The following ESAM variants were observed in gnomAD, a reference collection of about 807,000 sequenced individuals.
The protein encoded by ESAM is endothelial cell-selective adhesion molecule.
ESAM carries 23 observed loss-of-function variants against 31.8 expected under a neutral mutation model. The observed-to-expected ratio is 0.72, with a 90% CI of 0.52 to 1.03. The LOEUF is 1.03. Ranked by LOEUF, ESAM falls within the 50% of genes least tolerant of loss-of-function variation. The probability of loss-of-function intolerance (pLI) is 0.00; values close to 1 mark genes in which losing one functional copy is unlikely to be tolerated. For missense variants in ESAM, 478 were observed against 488.9 expected, an observed-to-expected ratio of 0.98 and a Z score of 0.21; for synonymous variants, 216 against 207.2, an observed-to-expected ratio of 1.04 and a Z score of -0.37.
intron 1 of ESAM, among the ~76,000 whole-genome samples, chr11:124,760,747 G>T (rs568879560): frequency 1.3e-5 from 2 of 152,378 alleles, no homozygotes; most frequent in East Asian, 3.9e-4. Flanking sequence ...AGCAGGTGAA[G>T]CCTGGGACAC....
At chr11:124,758,783 A>G (rs1401702645) in intron 1 of ESAM, among the ~76,000 whole-genome samples, 1 of 152,104 alleles carries the variant, frequency 6.6e-6, no homozygotes, top group Non-Finnish European at 1.5e-5. Flanking sequence ...ATTTATATGC[A>G]TTTATTCGTA....
chr11:124,760,819 A>C, intron 1 of ESAM, among the ~76,000 whole-genome samples: 1 of 152,078 alleles, frequency 6.6e-6, no homozygotes, highest in East Asian at 1.9e-4. Flanking sequence ...CCCACCCCCC[A>C]CAAGGAAGGG....
chr11:124,756,412 C>T lies in ESAM; in HGVS notation c.452-50G>A, dbSNP rs1205510339. ...ACCACACCCAGGAGACCCACAGATC[C>T]TCTCCCTCTGCCCTGCACCCTTCTG... On this transcript the variant is annotated intron_variant, in intron 3 of 6. Coordinates refer to ENST00000278927, the MANE Select transcript of ESAM (RefSeq NM_138961.3). 2.5e-6 allele frequency: 4 copies of T among 1,576,550 alleles called. No homozygotes were observed. The South Asian group carries it at 3.6e-5, about 14-fold the overall frequency.
In ESAM at chr11:124,754,806, C is replaced by CAT; in HGVS notation, c.608-45_608-44dup. ...CCATCAGTCCAGGGACCCTCTTTCCCATTAAAAAAAAAAAAAAATCTTGTC... is the reference window on the plus strand; with the variant it reads ...CCATCAGTCCAGGGACCCTCTTTCCCATATTAAAAAAAAAAAAAAATCTTGTC... On this transcript the variant is annotated intron_variant, in intron 4 of 6. Coordinates refer to ENST00000278927, the MANE Select transcript of ESAM (RefSeq NM_138961.3). This position sits in a 1 kb window ranked among gnomAD's most constrained non-coding sequence, Gnocchi z 4.5. 1 of 1,537,728 alleles carries CAT rather than the reference C, an allele frequency of 6.5e-7. No homozygotes were observed. The highest frequency in any genetic ancestry group is 8.7e-7 in the Non-Finnish European group (1 of 1,146,738).
chr11:124,758,621 G>C, intron 1 of ESAM, 94 bp from the exon 2 acceptor site: 1 of 1,393,186 alleles, frequency 7.2e-7, no homozygotes, highest in Non-Finnish European at 9.4e-7. Flanking sequence ...AGCGAGGAAA[G>C]TCGCTTTAAC....
chr11:124,756,927 C>T, intron 2 of ESAM, 185 bp from the exon 3 acceptor site: 1 of 620,298 alleles, frequency 1.6e-6, no homozygotes, highest in South Asian at 1.9e-5. Context: ...CCTGGGTCCT[C>T]TTCACCAGAA....
Position 124,753,738 on chromosome 11 carries a change from T to A in ESAM, c.1081A>T (p.Ile361Phe). 1 of 1,613,836 alleles carries A rather than the reference T, an allele frequency of 6.2e-7. No homozygotes were observed. Among genetic ancestry groups the A allele is most frequent in the African/African-American group, 1.3e-5 (1 of 74,972 alleles). ...CCAGAGGAAGAAACCCCACCAGGGATGGGGGATATTGGTTGAGGGTGGGCC... is the reference window on the plus strand; with the variant it reads ...CCAGAGGAAGAAACCCCACCAGGGAAGGGGGATATTGGTTGAGGGTGGGCC... ...DGAHPQPISP[I>F]PGGVSSSGLS... Residue 361 changes from isoleucine to phenylalanine, a missense_variant, in exon 7 of 7, where the codon ATC becomes TTC. By Grantham distance (21) the Ile-to-Phe change is conservative. Transcript: ENST00000278927.
At position 124,756,919 on chromosome 11, in the gene ESAM, TG is replaced by T. The variant is rs1944162397; in HGVS notation, c.250-178del. 1.9e-5 allele frequency: 12 copies of T among 637,004 alleles called. No homozygotes were observed. In the South Asian group the frequency reaches 2.3e-4, roughly 12 times the overall value. The allele number at this position is 637,004 out of a possible 1,614,324, so 39.5% of individuals were successfully genotyped here. ...GTCCCTAGCCCCCTCTCACTGCCCCTGGGTCCTCTTCACCAGAACAGTTCTT... is the reference window on the plus strand; with the variant it reads ...GTCCCTAGCCCCCTCTCACTGCCCCTGGTCCTCTTCACCAGAACAGTTCTT... On this transcript the variant is annotated intron_variant, in intron 2 of 6. Transcript: ENST00000278927.
At position 124,762,014 on chromosome 11, in the gene ESAM, A is replaced by C. The variant is rs1944236112; in HGVS notation, c.70+71T>G. The C allele has an allele frequency of 2.5e-5, 36 of 1,412,950 alleles. 1 individual carries two copies. The South Asian group carries it at 4.4e-4, about 17-fold the overall frequency. 87.5% of individuals were successfully genotyped at this position (1,412,950 alleles called of 1,614,324 possible). A position where few individuals can be genotyped will look rare whatever the true frequency, so the allele number is the denominator to read the frequency against. On this transcript the variant is annotated intron_variant, in intron 1 of 6. Transcript: ENST00000278927. This position sits in a 1 kb window ranked among gnomAD's most constrained non-coding sequence, Gnocchi z 6.4. ...GGACCCAGTTCCGCAGCAGTGGCCA[A>C]AGTTCTCCCTCAGGGTCGAACTCAC... is the stretch of plus-strand genomic sequence containing the variant.
intron 4 of ESAM, 111 bp downstream of exon 4, chr11:124,756,096 C>T: frequency 1.4e-6 from 2 of 1,442,214 alleles, no homozygotes. Flanking sequence ...CCTCCTCCTC[C>T]TCCCCAGTGC....
At chr11:124,761,804 G>A (rs1944232797) in intron 1 of ESAM, among the ~76,000 whole-genome samples, 1 of 151,598 alleles carries the variant, frequency 6.6e-6, no homozygotes, top group Admixed American at 6.6e-5. Flanking sequence ...GAGTGGACAG[G>A]GTGAGGAATG....
chr11:124,756,760 A>T lies in ESAM; in HGVS notation c.250-18T>A, dbSNP rs745546025. ...GACAACACCTGGTGTGGGGCATAAC[A>T]CATCCCCGTCATTACTACATGTGTC... On this transcript the variant is annotated intron_variant, in intron 2 of 6. Transcript: ENST00000278927. 6.2e-7 allele frequency: 1 copy of T among 1,613,186 alleles called. No homozygotes were observed. The highest frequency in any genetic ancestry group is 8.5e-7 in the Non-Finnish European group (1 of 1,179,594).
intron 1 of ESAM, among the ~76,000 whole-genome samples, chr11:124,760,970 G>A (rs539165770): frequency 8.5e-5 from 13 of 152,276 alleles, no homozygotes; most frequent in African/African-American, 3.1e-4. Flanking sequence ...GGTGTGGCCT[G>A]GGGGGCTGTA....
chr11:124,756,847 A>G (rs1237286191), intron 2 of ESAM, 105 bp from the exon 3 acceptor site: 1 of 1,188,450 alleles, frequency 8.4e-7, no homozygotes, highest in Non-Finnish European at 1.2e-6. Context: ...AATGCCCCTC[A>G]CATGCACCCA....
chr11:124,758,561 C>T, intron 1 of ESAM, 34 bp from the exon 2 acceptor site: 1 of 1,477,426 alleles, frequency 6.8e-7, no homozygotes, highest in Admixed American at 2.4e-5. Context: ...GTGCCCAGGA[C>T]CGGCTCCCAG....
chr11:124,754,149 A>C lies in ESAM; in HGVS notation c.857+65T>G. ...CATCCCAATAGATGAGAGCTGCCTG[A>C]ATTCCCAGCCTCTGTGAGGAGAGCT... On this transcript the variant is annotated intron_variant, in intron 6 of 6. Coordinates refer to ENST00000278927, the MANE Select transcript of ESAM (RefSeq NM_138961.3). This position sits in a 1 kb window ranked among gnomAD's most constrained non-coding sequence, Gnocchi z 4.5. 6.3e-7 allele frequency: 1 copy of C among 1,585,252 alleles called. No homozygotes were observed. Among genetic ancestry groups the C allele is most frequent in the South Asian group, 1.2e-5 (1 of 85,746 alleles).
Position 124,754,103 on chromosome 11 carries a change from T to G in ESAM, c.857+111A>C. Reference sequence around the variant, plus strand: ...CTCCCTTAAAACCTGCCCATAGGAATGATGTTTCAGCCACTGACCCCATCC... The same window carrying G: ...CTCCCTTAAAACCTGCCCATAGGAAGGATGTTTCAGCCACTGACCCCATCC... On this transcript the variant is annotated intron_variant, in intron 6 of 6. Coordinates refer to ENST00000278927, the MANE Select transcript of ESAM (RefSeq NM_138961.3). The surrounding 1 kb of genome is among the most constrained non-coding windows in gnomAD (Gnocchi z 4.5). 3 of 1,555,424 alleles carry G rather than the reference T, an allele frequency of 1.9e-6. No homozygotes were observed. Among genetic ancestry groups the G allele is most frequent in the Non-Finnish European group, 2.6e-6 (3 of 1,148,478 alleles).
At chr11:124,757,843 G>A (rs1003172347) in intron 2 of ESAM, among the ~76,000 whole-genome samples, 8 of 151,886 alleles carry the variant, frequency 5.3e-5, no homozygotes, top group East Asian at 3.9e-4. Context: ...GATTACAGGC[G>A]GGTGCCACCA....
At chr11:124,755,082 C>A (rs2134457731) in intron 4 of ESAM, among the ~76,000 whole-genome samples, 1 of 152,270 alleles carries the variant, frequency 6.6e-6, no homozygotes, top group Middle Eastern at 3.4e-3. Flanking sequence ...AGAGAAAGAA[C>A]ACTGGGGTAG....
Sources: gnomAD v4.1 joint callset for allele counts (sites outside exome capture counted in the v4.1 genomes callset) on GRCh38, gnomAD v4.1.1 for gene constraint, Gnocchi (gnomAD v3.1) non-coding constraint, MANE v1.5 for transcripts, NCBI Gene and HGNC (gene_info 2026-07-23, HGNC 2026-07-21) for gene names.